The following CLDN16 variants were observed in gnomAD, a reference collection of about 807,000 sequenced individuals.
CLDN16 encodes claudin-16.
Under a neutral mutation model 24.6 loss-of-function variants are expected in CLDN16, and 13 were observed. The observed-to-expected ratio is 0.53, with a 90% confidence interval of 0.34 to 0.84. The LOEUF (loss-of-function observed/expected upper bound fraction) is 0.84, where lower values mean the gene tolerates loss of function less well. Among genes scored for constraint, CLDN16 ranks in the 40% least tolerant of loss-of-function variants. The pLI, the probability that CLDN16 is intolerant of heterozygous loss-of-function variation, is 0.01. For synonymous variants in CLDN16, 116 were observed against 106.7 expected (o/e 1.09, Z -0.54); for missense variants, 298 against 292.7 (o/e 1.02, Z -0.13).
intron 1 of CLDN16, among the ~76,000 whole-genome samples, chr3:190,334,237 G>A (rs1207578865): frequency 2.0e-5 from 3 of 152,194 alleles, no homozygotes; most frequent in African/African-American, 7.2e-5. Context: ...GCACAATGAG[G>A]GAAGTTGTAG....
upstream of CLDN16, among the ~76,000 whole-genome samples, chr3:190,320,833 A>G (rs1361765702): frequency 6.6e-6 from 1 of 152,212 alleles, no homozygotes; most frequent in African/African-American, 2.4e-5. Context: ...GTTAAAGGGC[A>G]TAACAGACAC....
intron 3 of CLDN16, among the ~76,000 whole-genome samples, chr3:190,406,854 G>T (rs1428772518): frequency 6.7e-6 from 1 of 148,378 alleles, no homozygotes; most frequent in Non-Finnish European, 1.5e-5. Flanking sequence ...CCATTCTCCT[G>T]CCTCAGCCTC....
Position 190,363,573 on chromosome 3 carries a change from T to C in CLDN16, n.122-7320T>C, listed in dbSNP as rs1345977240. 3.3e-3 allele frequency among the ~76,000 whole-genome samples: 442 copies of C among 133,040 alleles called. 31 individuals are homozygous for C. Among genetic ancestry groups the C allele is most frequent in the East Asian group, 0.016 (68 of 4,218 alleles). 87.3% of individuals were successfully genotyped at this position (133,040 alleles called of 152,430 possible). A position where few individuals can be genotyped will look rare whatever the true frequency, so the allele number is the denominator to read the frequency against. ...GTGTGTGTGTATATATATATATATA[T>C]ATATATATATATATATATATATATT... On this transcript the variant is annotated intron_variant and non_coding_transcript_variant, in intron 1 of 4. Transcript: ENST00000468220.
chr3:190,388,571 T>C, intron 1 of CLDN16, 128 bp downstream of exon 1: 1 of 801,444 alleles, frequency 1.2e-6, no homozygotes, highest in East Asian at 2.4e-5. Flanking sequence ...ACATGGACTA[T>C]TTATTGAGTC....
At chr3:190,322,520 G>A (rs540108955), upstream of CLDN16, 255 of 361,128 alleles carry the variant, frequency 7.1e-4, no homozygotes, top group Middle Eastern at 2.5e-3. Context: ...GCGCCCCCTG[G>A]CGGTTTCAGG....
At position 190,408,341 on chromosome 3, in the gene CLDN16, G is replaced by T; in HGVS notation, c.410G>T (p.Trp137Leu). Residue 137 changes from tryptophan to leucine, a missense_variant, in exon 4 of 5, where the codon TGG (tryptophan) becomes TTG (leucine). Trp to Leu is a moderately conservative substitution (Grantham distance 61). Coordinates refer to ENST00000264734, the MANE Select transcript of CLDN16 (RefSeq NM_006580.4). Reference sequence around the variant, plus strand: ...ACCCCAGGAATCATTGGCTCTGTGTGGTATGCTGTTGATGTGTATGTGGAA... The same window carrying T: ...ACCCCAGGAATCATTGGCTCTGTGTTGTATGCTGTTGATGTGTATGTGGAA... ...AGTPGIIGSV[W>L]YAVDVYVERS... 6.2e-7 allele frequency: 1 copy of T among 1,613,998 alleles called. No individual in the cohort carries two copies.
chr3:190,312,472 C>G, the CLDN16 span, among the ~76,000 whole-genome samples: 92 of 152,294 alleles, frequency 6.0e-4, 1 homozygote, highest in African/African-American at 2.2e-3. Context: ...CCTTCCATCC[C>G]TCACAGACCT....
chr3:190,327,627 A>C (rs1014960359), intron 1 of CLDN16, among the ~76,000 whole-genome samples: 2 of 152,240 alleles, frequency 1.3e-5, no homozygotes, highest in African/African-American at 2.4e-5. Context: ...CTTGATCCAG[A>C]AAGCTTATGT....
At chr3:190,296,162 TG>T in the CLDN16 span, among the ~76,000 whole-genome samples, 1 of 152,250 alleles carries the variant, frequency 6.6e-6, no homozygotes, top group Non-Finnish European at 1.5e-5. Context: ...TAAACATTTG[TG>T]ATACAATGAC....
the CLDN16 span, chr3:190,313,339 C>T: frequency 2.8e-6 from 1 of 359,002 alleles, no homozygotes; most frequent in Non-Finnish European, 5.2e-6. Context: ...GTTAGCTGAA[C>T]TAATACATAT....
At chr3:190,397,458 C>CT (rs3836450) in intron 1 of CLDN16, among the ~76,000 whole-genome samples, 1 of 152,116 alleles carries the variant, frequency 6.6e-6, no homozygotes, top group Non-Finnish European at 1.5e-5. Context: ...CATCAGTCTG[C>CT]TTTTTTAAGA....
chr3:190,369,899 T>G (rs1201186062), intron 1 of CLDN16, among the ~76,000 whole-genome samples: 1 of 151,956 alleles, frequency 6.6e-6, no homozygotes, highest in African/African-American at 2.4e-5. Flanking sequence ...CTTGCTTGAG[T>G]AAAAGGTCTG....
At chr3:190,405,419 C>G (rs570090978) in intron 3 of CLDN16, among the ~76,000 whole-genome samples, 85 of 123,968 alleles carry the variant, frequency 6.9e-4, no homozygotes, top group Non-Finnish European at 1.1e-3. Flanking sequence ...AGCAAGACTC[C>G]GTCTCACGGA....
At chr3:190,393,883 C>T (rs565042519) in intron 1 of CLDN16, among the ~76,000 whole-genome samples, 3 of 151,464 alleles carry the variant, frequency 2.0e-5, no homozygotes, top group East Asian at 3.9e-4. Flanking sequence ...CCTGAGTAGC[C>T]GGGACTACAG....
At chr3:190,373,185 C>A (rs1718177852) in intron 2 of CLDN16, among the ~76,000 whole-genome samples, 1 of 151,872 alleles carries the variant, frequency 6.6e-6, no homozygotes, top group Non-Finnish European at 1.5e-5. Context: ...GAAAATGAGG[C>A]TCAAGGCAGT....
At chr3:190,355,266 A>T (rs1717744869) in intron 1 of CLDN16, among the ~76,000 whole-genome samples, 1 of 151,882 alleles carries the variant, frequency 6.6e-6, no homozygotes, top group Non-Finnish European at 1.5e-5. Context: ...TTAGTTGTTG[A>T]TGTCTTTAAC....
At chr3:190,339,341 T>G (rs999555623) in intron 1 of CLDN16, among the ~76,000 whole-genome samples, 2 of 152,176 alleles carry the variant, frequency 1.3e-5, no homozygotes, top group Non-Finnish European at 1.5e-5. Context: ...TCTCACCTAG[T>G]GGTCATTTCC....
chr3:190,390,250 G>A (rs747294984), intron 1 of CLDN16, among the ~76,000 whole-genome samples: 44 of 152,062 alleles, frequency 2.9e-4, no homozygotes, highest in Non-Finnish European at 5.1e-4. Flanking sequence ...ACATTTAAAG[G>A]AAGAGGCTGG....
At position 190,392,059 on chromosome 3, in the gene CLDN16, C is replaced by CTTTTTTTTTTTTTTTTTTTTTTTTTTTTT. The variant is rs35220103; in HGVS notation, c.114+3633_114+3634insTTTTTTTTTTTTTTTTTTTTTTTTTTTTT. ...AGTTGTTTCTAAGGTCCTTTTCAGT[C>CTTTTTTTTTTTTTTTTTTTTTTTTTTTTT]TTTTTTTTTTTTTTTTTAACATCAT... On this transcript the variant is annotated intron_variant, in intron 1 of 4. Transcript: ENST00000264734. Among the ~76,000 whole-genome samples the CTTTTTTTTTTTTTTTTTTTTTTTTTTTTT allele has an allele frequency of 1.6e-5, 2 of 126,096 alleles. 1 individual carries two copies. Among genetic ancestry groups the CTTTTTTTTTTTTTTTTTTTTTTTTTTTTT allele is most frequent in the African/African-American group, 5.7e-5 (2 of 35,222 alleles). 82.7% of individuals were successfully genotyped at this position (126,096 alleles called of 152,430 possible). A position where few individuals can be genotyped will look rare whatever the true frequency, so the allele number is the denominator to read the frequency against.
Sources: gnomAD v4.1 joint callset for allele counts (sites outside exome capture counted in the v4.1 genomes callset) on GRCh38, gnomAD v4.1.1 for gene constraint, MANE v1.5 for transcripts, NCBI Gene and HGNC (gene_info 2026-07-23, HGNC 2026-07-21) for gene names.